The following STARD10 variants were observed in gnomAD, a reference collection of about 807,000 sequenced individuals.
The protein encoded by STARD10 is StAR related lipid transfer domain containing 10.
Under a neutral mutation model 36.0 loss-of-function variants are expected in STARD10, and 24 were observed. The observed-to-expected ratio is 0.67, with a 90% confidence interval of 0.48 to 0.94. STARD10 has a LOEUF of 0.94. Ranked by LOEUF, STARD10 falls within the 40% of genes least tolerant of loss-of-function variation. The pLI is 0.00. For missense variants in STARD10, 335 were observed against 396.6 expected (o/e 0.84, Z 1.32); for synonymous variants, 156 against 161.9 (o/e 0.96, Z 0.28).
Position 72,771,198 on chromosome 11 carries a change from C to T in STARD10, c.207+9777G>A, listed in dbSNP as rs117534091. Reference sequence around the variant, plus strand: ...TATTCCCTCAGAACTAGGCTCTGTTCTGTGTAGGACCCAAGGAATCAGGTG... The same window carrying T: ...TATTCCCTCAGAACTAGGCTCTGTTTTGTGTAGGACCCAAGGAATCAGGTG... On this transcript the variant is annotated intron_variant, in intron 2 of 6. Transcript: ENST00000334805. Among the ~76,000 whole-genome samples, 1,262 of 152,294 alleles carry T rather than the reference C, an allele frequency of 8.3e-3. 11 individuals are homozygous for T. The highest frequency in any genetic ancestry group is 0.027 in the Middle Eastern group (8 of 294).
intron 2 of STARD10, among the ~76,000 whole-genome samples, chr11:72,760,197 G>A (rs1001542494): frequency 4.7e-5 from 7 of 149,602 alleles, no homozygotes; most frequent in African/African-American, 9.9e-5. Flanking sequence ...CACCACACCC[G>A]GCCTGGATTT....
intron 2 of STARD10, among the ~76,000 whole-genome samples, chr11:72,776,632 A>G (rs1462298338): frequency 6.6e-6 from 1 of 152,132 alleles, no homozygotes; most frequent in Non-Finnish European, 1.5e-5. Flanking sequence ...TTGGCTGTGC[A>G]CAAGTGAATT....
chr11:72,776,631 C>T (rs1036618018), intron 2 of STARD10, among the ~76,000 whole-genome samples: 3 of 152,138 alleles, frequency 2.0e-5, no homozygotes, highest in African/African-American at 7.2e-5. Context: ...TTTGGCTGTG[C>T]ACAAGTGAAT....
At chr11:72,785,590 G>T (rs1859061928) in intron 1 of STARD10, among the ~76,000 whole-genome samples, 1 of 133,944 alleles carries the variant, frequency 7.5e-6, no homozygotes, top group South Asian at 2.4e-4. Flanking sequence ...AAAAAAAAGG[G>T]AATAAGAACC....
intron 4 of STARD10, 106 bp downstream of exon 4, chr11:72,758,424 G>T: frequency 1.2e-6 from 1 of 834,214 alleles, no homozygotes; most frequent in Non-Finnish European, 2.0e-6. Context: ...GAGGGCCAGT[G>T]GGCCCATGCC....
chr11:72,754,893 G>A lies in STARD10; in HGVS notation c.*4C>T. The A allele has an allele frequency of 6.3e-7, 1 of 1,596,446 alleles. No individual in the cohort carries two copies. The highest frequency in any genetic ancestry group is 8.5e-7 in the Non-Finnish European group (1 of 1,177,734). ...CTGTCTCCGTCCCTGAAGCGGTGCG[G>A]CGCTCAGGTGAGCGAGGTGTCGTCG... On this transcript the variant is annotated 3_prime_UTR_variant, in exon 7 of 7. Coordinates refer to ENST00000334805, the MANE Select transcript of STARD10 (RefSeq NM_006645.3).
chr11:72,780,717 A>C, intron 2 of STARD10: 1 of 532,826 alleles, frequency 1.9e-6, no homozygotes, highest in Non-Finnish European at 3.4e-6. Flanking sequence ...GATCCCTGGA[A>C]CAGGCAGGGG....
At chr11:72,790,013 G>C (rs1001231648) in intron 1 of STARD10, among the ~76,000 whole-genome samples, 2 of 152,200 alleles carry the variant, frequency 1.3e-5, no homozygotes, top group Non-Finnish European at 2.9e-5. Context: ...ATCCTCTGCT[G>C]CCTCAGACTG....
intron 2 of STARD10, among the ~76,000 whole-genome samples, chr11:72,769,605 AAG>A (rs1442040915): frequency 6.6e-6 from 1 of 152,128 alleles, no homozygotes; most frequent in Non-Finnish European, 1.5e-5. Context: ...CAGCCTCTCA[AAG>A]TGCTGGGATT....
Position 72,754,738 on chromosome 11 carries a change from G to T in STARD10, c.*159C>A. ...ACAGTGATGAGCCGGCTGAGGCTGT[G>T]GGATCGTTTATTGGGGCTCTGTCCA... On this transcript the variant is annotated 3_prime_UTR_variant, in exon 7 of 7. Transcript: ENST00000334805. 1 of 1,125,298 alleles carries T rather than the reference G, an allele frequency of 8.9e-7. No individual in the cohort carries two copies. Among genetic ancestry groups the T allele is most frequent in the South Asian group, 1.4e-5 (1 of 73,882 alleles). The allele number at this position is 1,125,298 out of a possible 1,614,324, so 69.7% of individuals were successfully genotyped here.
intron 2 of STARD10, among the ~76,000 whole-genome samples, chr11:72,773,349 G>T (rs1423465537): frequency 3.3e-5 from 5 of 152,216 alleles, no homozygotes; most frequent in Non-Finnish European, 7.3e-5. Flanking sequence ...ATGCCCTGGG[G>T]CCCCTGGAGG....
intron 2 of STARD10, among the ~76,000 whole-genome samples, chr11:72,760,729 A>T (rs539456876): frequency 6.6e-6 from 1 of 152,332 alleles, no homozygotes; most frequent in East Asian, 1.9e-4. Context: ...GATTTAACCC[A>T]GATCACATGT....
intron 6 of STARD10, 62 bp from the exon 7 acceptor site, chr11:72,755,204 C>A (rs191722742): frequency 2.6e-6 from 4 of 1,521,416 alleles, no homozygotes; most frequent in Admixed American, 2.0e-5. Flanking sequence ...CTCCACACCC[C>A]CCTCCAGCGG....
chr11:72,755,788 G>C, intron 5 of STARD10, 35 bp from the exon 6 acceptor site: 2 of 1,585,342 alleles, frequency 1.3e-6, no homozygotes, highest in Non-Finnish European at 1.7e-6. Flanking sequence ...GCAGCCTCAG[G>C]GACCCAGCCC....
At chr11:72,776,395 G>A (rs746233214) in intron 2 of STARD10, among the ~76,000 whole-genome samples, 6 of 152,256 alleles carry the variant, frequency 3.9e-5, no homozygotes, top group Non-Finnish European at 5.9e-5. Flanking sequence ...TGCCACCGCC[G>A]ATAAGAAGAC....
chr11:72,755,382 C>T, intron 6 of STARD10: 1 of 564,648 alleles, frequency 1.8e-6, no homozygotes, highest in South Asian at 2.0e-5. Flanking sequence ...ATGATATCGG[C>T]TCACTGCAAC....
intron 2 of STARD10, among the ~76,000 whole-genome samples, chr11:72,761,227 CG>C (rs1858712386): frequency 6.6e-6 from 1 of 152,054 alleles, no homozygotes; most frequent in Admixed American, 6.5e-5. Flanking sequence ...AATCATTCCA[CG>C]GGACTCCTGG....
intron 5 of STARD10, 21 bp downstream of exon 5, chr11:72,757,746 C>T (rs1260333649): frequency 6.2e-7 from 1 of 1,608,742 alleles, no homozygotes; most frequent in African/African-American, 1.3e-5. Flanking sequence ...CCATGATAGG[C>T]TGCCAGGGCC....
intron 2 of STARD10, among the ~76,000 whole-genome samples, chr11:72,764,276 C>A (rs1271137302): frequency 6.6e-6 from 1 of 152,206 alleles, no homozygotes; most frequent in Non-Finnish European, 1.5e-5. Flanking sequence ...CAGAGGCTCC[C>A]AGAGCAGGGC....
Sources: gnomAD v4.1 joint callset for allele counts (sites outside exome capture counted in the v4.1 genomes callset) on GRCh38, gnomAD v4.1.1 for gene constraint, MANE v1.5 for transcripts, NCBI Gene and HGNC (gene_info 2026-07-23, HGNC 2026-07-21) for gene names.